Variants in SCML2 observed in about 807,000 individuals in gnomAD.
SCML2 encodes the protein Scm polycomb group protein like 2, also known as sex comb on midleg-like protein 2.
SCML2 carries 6 observed loss-of-function variants against 48.4 expected under a neutral mutation model. The ratio of observed to expected loss-of-function variants is 0.12; its 90% CI spans 0.07 to 0.24. The LOEUF is 0.24. Ranked by LOEUF, SCML2 falls within the 10% of genes least tolerant of loss-of-function variation. The pLI is 1.00. For synonymous variants in SCML2, 181 were observed against 189.5 expected, an observed-to-expected ratio of 0.95 and a Z score of 0.37; for missense variants, 377 against 528.2, an observed-to-expected ratio of 0.71 and a Z score of 2.81.
At chrX:18,241,519 A>C (rs1489837627) in intron 14 of SCML2, 140 bp from the exon 15 acceptor site, 1 of 371,487 alleles carries the variant, frequency 2.7e-6, no homozygotes, top group Non-Finnish European at 4.2e-6. Context: ...AACTATTAAA[A>C]ATATAATTTA....
Position 18,256,941 on chromosome X carries a change from T to C in SCML2, c.1363A>G (p.Ser455Gly). 1.7e-6 allele frequency: 2 copies of C among 1,209,016 alleles called. No individual in the cohort carries two copies. The highest frequency in any genetic ancestry group is 2.2e-6 in the Non-Finnish European group (2 of 893,649). ...ALRFLENFCHSLQCDNLLSSQ... is the reference protein window; with the variant it reads ...ALRFLENFCHGLQCDNLLSSQ... ...CTCAAAAGGTTATCACACTGCAGAC[T>C]GTGGCAGAAGTTCTCAAGAAAGCGA... The change falls in exon 11 of 15, where the codon AGT (serine) becomes GGT (glycine). Residue 455 changes from serine (S) to glycine (G), a missense_variant. Transcript: ENST00000251900.
chrX:18,299,391 G>A lies in SCML2; in HGVS notation c.730+5581C>T, dbSNP rs762965348. On this transcript the variant is annotated intron_variant, in intron 7 of 14. Transcript: ENST00000251900. ...AAATTAGCCAGGCATAGTGGCACACGCCTGTAGTACCAACTACTCGAGAGG... is the reference window on the plus strand; with the variant it reads ...AAATTAGCCAGGCATAGTGGCACACACCTGTAGTACCAACTACTCGAGAGG... 4.5e-5 allele frequency among the ~76,000 whole-genome samples: 5 copies of A among 110,348 alleles called. No homozygotes were observed. The South Asian group carries it at 1.9e-3, about 42-fold the overall frequency.
intron 7 of SCML2, among the ~76,000 whole-genome samples, chrX:18,290,095 T>A (rs1036375807): frequency 8.9e-6 from 1 of 111,847 alleles, no homozygotes; most frequent in Non-Finnish European, 1.9e-5. Flanking sequence ...ACCACACACA[T>A]ACTTGCCCAT....
chrX:18,271,900 T>C (rs1021092948), intron 7 of SCML2, among the ~76,000 whole-genome samples: 3 of 110,545 alleles, frequency 2.7e-5, no homozygotes, highest in Admixed American at 9.7e-5. Flanking sequence ...ATGCCTCTGC[T>C]TGGAACTTTG....
intron 7 of SCML2, among the ~76,000 whole-genome samples, chrX:18,291,219 G>A (rs1027998851): frequency 5.4e-5 from 6 of 111,627 alleles, no homozygotes; most frequent in Non-Finnish European, 1.1e-4. Flanking sequence ...GGTCTCGTGA[G>A]TAAATCTGAT....
chrX:18,350,616 A>G (rs902679118), intron 1 of SCML2, among the ~76,000 whole-genome samples: 4 of 107,769 alleles, frequency 3.7e-5, no homozygotes, highest in African/African-American at 1.0e-4. Context: ...GTGGCGGTAC[A>G]TGCCTGTAGT....
chrX:18,250,453 C>T (rs1602075153), intron 11 of SCML2, among the ~76,000 whole-genome samples: 2 of 109,287 alleles, frequency 1.8e-5, no homozygotes, highest in African/African-American at 6.7e-5. Context: ...GCGATCTCGG[C>T]TCACTGCAAG....
intron 7 of SCML2, among the ~76,000 whole-genome samples, chrX:18,283,379 G>C (rs1261550857): frequency 9.0e-6 from 1 of 111,724 alleles, no homozygotes; most frequent in Non-Finnish European, 1.9e-5. Context: ...TTCCCCTTAA[G>C]AACTGGAACA....
intron 7 of SCML2, among the ~76,000 whole-genome samples, chrX:18,276,021 G>A (rs538376651): frequency 8.0e-5 from 9 of 112,282 alleles, no homozygotes; most frequent in African/African-American, 2.3e-4. Flanking sequence ...TTTAGCAGCC[G>A]GGCGCAGTGG....
At chrX:18,345,471 A>T (rs898487498) in intron 1 of SCML2, among the ~76,000 whole-genome samples, 15 of 108,977 alleles carry the variant, frequency 1.4e-4, no homozygotes, top group African/African-American at 5.0e-4. Flanking sequence ...GCTCGCTACA[A>T]CCTCAACCTC....
intron 7 of SCML2, among the ~76,000 whole-genome samples, chrX:18,289,797 T>C (rs887370817): frequency 2.7e-5 from 3 of 111,741 alleles, no homozygotes; most frequent in African/African-American, 9.8e-5. Context: ...TACCACATAC[T>C]CCTCTCTGCG....
intron 7 of SCML2, among the ~76,000 whole-genome samples, chrX:18,291,970 TTGATATG>T (rs1295356823): frequency 9.0e-6 from 1 of 111,228 alleles, no homozygotes. Flanking sequence ...TGACACAGCG[TTGATATG>T]TGCAATAAAT....
At chrX:18,340,208 G>A (rs781080604) in intron 1 of SCML2, among the ~76,000 whole-genome samples, 52 of 110,935 alleles carry the variant, frequency 4.7e-4, no homozygotes, top group South Asian at 7.7e-4. Flanking sequence ...GAACTCAGGC[G>A]TTCCAGACCA....
intron 3 of SCML2, 146 bp downstream of exon 3, chrX:18,330,437 CCTTT>C (rs1929617823): frequency 3.3e-6 from 1 of 305,563 alleles, no homozygotes; most frequent in Non-Finnish European, 5.8e-6. Context: ...CAATTTTTGA[CCTTT>C]CTTATTACAT....
intron 13 of SCML2, among the ~76,000 whole-genome samples, chrX:18,244,365 T>C (rs772760492): frequency 4.9e-4 from 55 of 112,066 alleles, no homozygotes; most frequent in Non-Finnish European, 8.6e-4. Flanking sequence ...GTGGAATTTC[T>C]GGTTTCTGTC....
intron 7 of SCML2, among the ~76,000 whole-genome samples, chrX:18,302,924 T>C (rs1928640072): frequency 8.9e-6 from 1 of 111,954 alleles, no homozygotes; most frequent in African/African-American, 3.2e-5. Flanking sequence ...GAACAGTGAC[T>C]TATATAACAT....
chrX:18,341,766 A>G lies in SCML2; in HGVS notation c.-24-7671T>C, dbSNP rs1930021213. ...GAAGAATCTGCGAAGATCCTGATGT[A>G]AAAGAATATTGACTAATTTAATAGA... On this transcript the variant is annotated intron_variant, in intron 1 of 14. Transcript: ENST00000251900. Among the ~76,000 whole-genome samples, 4 of 111,976 alleles carry G rather than the reference A, an allele frequency of 3.6e-5. No homozygotes were observed. The Admixed American group carries it at 3.8e-4, about 11-fold the overall frequency.
At chrX:18,242,206 G>C (rs10521679) in intron 14 of SCML2, among the ~76,000 whole-genome samples, 22 of 111,559 alleles carry the variant, frequency 2.0e-4, no homozygotes, top group African/African-American at 6.5e-4. Flanking sequence ...CTGAATCATC[G>C]TATCTTGAGA....
chrX:18,336,616 AGTCCCAGCTACT>A (rs1176709380), intron 1 of SCML2, among the ~76,000 whole-genome samples: 1 of 109,372 alleles, frequency 9.1e-6, no homozygotes, highest in African/African-American at 3.3e-5. Flanking sequence ...GGGCGCCTGT[AGTCCCAGCTACT>A]CTGGAGGCTG....
Sources: gnomAD v4.1 joint callset for allele counts (sites outside exome capture counted in the v4.1 genomes callset) on GRCh38, gnomAD v4.1.1 for gene constraint, MANE v1.5 for transcripts, NCBI Gene and HGNC (gene_info 2026-07-23, HGNC 2026-07-21) for gene names.